Variants in SH3PXD2A observed in about 807,000 individuals in gnomAD.
SH3PXD2A encodes SH3 and PX domain-containing protein 2A.
In SH3PXD2A, 32 loss-of-function variants were observed where a neutral mutation model predicts 115.2. The observed-to-expected ratio is 0.28, with a 90% CI of 0.21 to 0.37. SH3PXD2A has a LOEUF of 0.37. Among genes scored for constraint, SH3PXD2A ranks in the 10% least tolerant of loss-of-function variants. The probability of loss-of-function intolerance (pLI) is 1.00; values close to 1 mark genes in which losing one functional copy is unlikely to be tolerated. For synonymous variants in SH3PXD2A, 610 were observed against 629.1 expected, an observed-to-expected ratio of 0.97 and a Z score of 0.45; for missense variants, 1,328 against 1,498.7, an observed-to-expected ratio of 0.89 and a Z score of 1.88.
chr10:103,631,240 C>T (rs967259295), intron 8 of SH3PXD2A, among the ~76,000 whole-genome samples: 3 of 151,798 alleles, frequency 2.0e-5, no homozygotes, highest in Non-Finnish European at 2.9e-5. Flanking sequence ...ACTGGAGCCT[C>T]GGTGACAGGG....
At chr10:103,615,369 A>G (rs1257760972) in intron 11 of SH3PXD2A, among the ~76,000 whole-genome samples, 1 of 152,254 alleles carries the variant, frequency 6.6e-6, no homozygotes, top group Non-Finnish European at 1.5e-5. Flanking sequence ...CAAGGGAATC[A>G]GGAGTGCCTG....
chr10:103,736,737 C>A, intron 3 of SH3PXD2A: 1 of 1,284,830 alleles, frequency 7.8e-7, no homozygotes, highest in Non-Finnish European at 1.0e-6. Context: ...GCACTTGTGA[C>A]CCATTTTGGG....
At chr10:103,682,273 G>C (rs1228126287) in intron 6 of SH3PXD2A, among the ~76,000 whole-genome samples, 10 of 152,192 alleles carry the variant, frequency 6.6e-5, no homozygotes, top group Non-Finnish European at 1.5e-5. Context: ...CAGCCACCTC[G>C]AGCCAGGGAG....
intron 1 of SH3PXD2A, among the ~76,000 whole-genome samples, chr10:103,838,684 C>G (rs1422410067): frequency 6.6e-6 from 1 of 152,218 alleles, no homozygotes; most frequent in Non-Finnish European, 1.5e-5. Context: ...TCCTACAGGA[C>G]CAGGCTCCTG....
intron 6 of SH3PXD2A, among the ~76,000 whole-genome samples, chr10:103,684,794 C>T (rs533859651): frequency 1.3e-5 from 2 of 151,732 alleles, no homozygotes; most frequent in Non-Finnish European, 2.9e-5. Context: ...TTTGGGAGGC[C>T]GAGGCAGGAT....
Position 103,766,093 on chromosome 10 carries a change from G to A in SH3PXD2A, c.229+1001C>T, listed in dbSNP as rs375951551. Among the ~76,000 whole-genome samples the A allele has an allele frequency of 3.0e-4, 46 of 152,360 alleles. No individual in the cohort carries two copies. The East Asian group carries it at 3.1e-3, about 10-fold the overall frequency. On this transcript the variant is annotated intron_variant, in intron 3 of 14. Transcript: ENST00000369774. The stretch of plus-strand genomic sequence containing the variant: ...GAGGATGGAGGAATGCAGGAGAAAC[G>A]CCTTTCAGAGAGGAGCCGCTCTCTG...
chr10:103,818,054 G>A (rs2039342322), intron 1 of SH3PXD2A, among the ~76,000 whole-genome samples: 1 of 152,202 alleles, frequency 6.6e-6, no homozygotes, highest in Non-Finnish European at 1.5e-5. Flanking sequence ...CACTTCAAAT[G>A]GTTGCATTGT....
intron 4 of SH3PXD2A, among the ~76,000 whole-genome samples, chr10:103,731,295 G>A (rs1044844356): frequency 2.0e-5 from 3 of 151,846 alleles, no homozygotes; most frequent in African/African-American, 7.3e-5. Context: ...CCAATAGATG[G>A]GACTGCCGGC....
At chr10:103,736,208 T>C (rs1034740661) in intron 3 of SH3PXD2A, among the ~76,000 whole-genome samples, 3 of 152,204 alleles carry the variant, frequency 2.0e-5, no homozygotes, top group African/African-American at 7.2e-5. Flanking sequence ...CCTTGAGAAA[T>C]CGGCATTCGT....
intron 8 of SH3PXD2A, among the ~76,000 whole-genome samples, chr10:103,659,025 G>A (rs1258984437): frequency 6.6e-6 from 1 of 152,234 alleles, no homozygotes; most frequent in Non-Finnish European, 1.5e-5. Context: ...TGGCCGTGGG[G>A]AGCTGGGGTG....
At chr10:103,644,460 A>G (rs994924704) in intron 8 of SH3PXD2A, among the ~76,000 whole-genome samples, 1 of 151,828 alleles carries the variant, frequency 6.6e-6, no homozygotes, top group East Asian at 1.9e-4. Context: ...AGTGGTACGC[A>G]CCTGTGGTCC....
chr10:103,753,087 G>A (rs1431762123), intron 3 of SH3PXD2A, among the ~76,000 whole-genome samples: 1 of 151,698 alleles, frequency 6.6e-6, no homozygotes, highest in African/African-American at 2.4e-5. Flanking sequence ...AAACACCCTG[G>A]TGCAGGCAAC....
intron 8 of SH3PXD2A, among the ~76,000 whole-genome samples, chr10:103,629,599 C>T (rs1420240502): frequency 6.6e-6 from 1 of 152,226 alleles, no homozygotes; most frequent in Non-Finnish European, 1.5e-5. Context: ...CCCCACCTGA[C>T]CTCTACTTGC....
chr10:103,625,324 G>A (rs916494565), intron 9 of SH3PXD2A, among the ~76,000 whole-genome samples: 2 of 152,182 alleles, frequency 1.3e-5, no homozygotes, highest in African/African-American at 4.8e-5. Context: ...ATTCATACAC[G>A]CACTGCCCTA....
chr10:103,816,513 G>A (rs1320769400), intron 1 of SH3PXD2A, among the ~76,000 whole-genome samples: 3 of 152,164 alleles, frequency 2.0e-5, no homozygotes, highest in African/African-American at 7.2e-5. Flanking sequence ...ATAAGTGATG[G>A]TGAGGATGTA....
At chr10:103,767,219 C>A in intron 2 of SH3PXD2A, 50 bp from the exon 3 acceptor site, 1 of 1,379,626 alleles carries the variant, frequency 7.2e-7, no homozygotes, top group Non-Finnish European at 1.0e-6. Context: ...CCAGAACATT[C>A]CTCATCATCC....
At chr10:103,853,009 A>G (rs1269523681) in intron 1 of SH3PXD2A, among the ~76,000 whole-genome samples, 1 of 152,148 alleles carries the variant, frequency 6.6e-6, no homozygotes, top group Admixed American at 6.5e-5. Context: ...CCGTTCCACA[A>G]TTCCACAACA....
intron 1 of SH3PXD2A, among the ~76,000 whole-genome samples, chr10:103,830,948 T>C (rs1414917843): frequency 1.3e-5 from 2 of 152,142 alleles, no homozygotes; most frequent in African/African-American, 4.8e-5. Context: ...AATTGAAAAA[T>C]AGGATGAATT....
At chr10:103,692,542 A>T (rs2134129504) in intron 6 of SH3PXD2A, among the ~76,000 whole-genome samples, 1 of 152,344 alleles carries the variant, frequency 6.6e-6, no homozygotes, top group Admixed American at 6.5e-5. Context: ...TCACTCAAGG[A>T]TGACCCCTTT....
Sources: allele counts gnomAD v4.1 joint callset (sites outside exome capture counted in the v4.1 genomes callset), GRCh38; gene constraint gnomAD v4.1.1; transcripts MANE v1.5; gene names NCBI Gene and HGNC (gene_info 2026-07-23, HGNC 2026-07-21).